NCAM2: variants seen among roughly 807,000 people sequenced by gnomAD.
NCAM2 encodes the protein neural cell adhesion molecule 2.
In NCAM2, 30 loss-of-function variants were observed where a neutral mutation model predicts 98.1. The observed-to-expected ratio is 0.31, with a 90% CI of 0.23 to 0.41. The LOEUF (loss-of-function observed/expected upper bound fraction) is 0.41. NCAM2 is among the 10% of genes least tolerant of loss of function. The pLI is 1.00. For missense variants in NCAM2, 867 were observed against 1,005.8 expected, an observed-to-expected ratio of 0.86 and a Z score of 1.87; for synonymous variants, 368 against 342.4, an observed-to-expected ratio of 1.07 and a Z score of -0.83.
chr21:21,527,971 T>A (rs1346861561), intron 16 of NCAM2, among the ~76,000 whole-genome samples: 2 of 152,192 alleles, frequency 1.3e-5, no homozygotes, highest in African/African-American at 4.8e-5. Flanking sequence ...GGTAAATGAA[T>A]AAACTGTGGT....
intron 6 of NCAM2, among the ~76,000 whole-genome samples, chr21:21,327,977 A>T (rs1006877408): frequency 6.6e-6 from 1 of 152,180 alleles, no homozygotes; most frequent in African/African-American, 2.4e-5. Flanking sequence ...GTACTTCTAT[A>T]TTGAGAATAC....
intron 9 of NCAM2, among the ~76,000 whole-genome samples, chr21:21,385,398 ACG>A (rs1491444631): frequency 3.8e-5 from 5 of 130,684 alleles, no homozygotes; most frequent in Admixed American, 1.5e-4. Flanking sequence ...ACACACACAC[ACG>A]CACACACACA....
intron 1 of NCAM2, among the ~76,000 whole-genome samples, chr21:21,088,997 A>G (rs1391118893): frequency 6.6e-6 from 1 of 151,692 alleles, no homozygotes; most frequent in African/African-American, 2.4e-5. Flanking sequence ...AGACATCCAC[A>G]TTCTTAGGTA....
intron 8 of NCAM2, among the ~76,000 whole-genome samples, chr21:21,345,855 G>A (rs147580877): frequency 5.9e-5 from 9 of 152,042 alleles, no homozygotes; most frequent in African/African-American, 2.2e-4. Context: ...AATAGCACAG[G>A]CATTTAATAC....
intron 9 of NCAM2, among the ~76,000 whole-genome samples, chr21:21,396,458 A>C (rs2076508988): frequency 1.3e-5 from 2 of 152,216 alleles, no homozygotes; most frequent in South Asian, 4.1e-4. Context: ...TCACTTTGCC[A>C]GCCAGAAACT....
chr21:21,008,947 A>G (rs1022179945), intron 1 of NCAM2, among the ~76,000 whole-genome samples: 1 of 152,172 alleles, frequency 6.6e-6, no homozygotes, highest in Non-Finnish European at 1.5e-5. Flanking sequence ...TGAGGAGCCA[A>G]TCAAAGATGA....
intron 6 of NCAM2, among the ~76,000 whole-genome samples, chr21:21,325,577 T>G (rs232471): frequency 4.6e-5 from 7 of 151,918 alleles, no homozygotes; most frequent in Non-Finnish European, 1.5e-5. Flanking sequence ...TATTAACATA[T>G]CCACCCCAGA....
intron 1 of NCAM2, among the ~76,000 whole-genome samples, chr21:21,095,968 A>G (rs1052592350): frequency 3.3e-5 from 5 of 151,610 alleles, no homozygotes; most frequent in African/African-American, 9.7e-5. Context: ...AGAAGAAACT[A>G]TTGAGTCAGA....
chr21:21,371,246 T>C (rs1031777137), intron 8 of NCAM2, among the ~76,000 whole-genome samples: 1 of 151,860 alleles, frequency 6.6e-6, no homozygotes, highest in African/African-American at 2.4e-5. Flanking sequence ...TAAAACAGTT[T>C]TGAGAAGGTA....
intron 1 of NCAM2, among the ~76,000 whole-genome samples, chr21:21,279,042 A>G (rs776307036): frequency 9.9e-5 from 15 of 152,142 alleles, no homozygotes; most frequent in African/African-American, 3.4e-4. Flanking sequence ...TTATACAACT[A>G]TTGGCCAGTA....
At chr21:21,171,797 CGA>C (rs1171803559) in intron 1 of NCAM2, among the ~76,000 whole-genome samples, 4 of 151,928 alleles carry the variant, frequency 2.6e-5, no homozygotes, top group Non-Finnish European at 4.4e-5. Context: ...TTATTGTACT[CGA>C]GAATGCTAAT....
chr21:21,260,302 C>A (rs1044820056), intron 1 of NCAM2, among the ~76,000 whole-genome samples: 2 of 151,718 alleles, frequency 1.3e-5, no homozygotes, highest in Admixed American at 1.3e-4. Flanking sequence ...AAAAAAAATT[C>A]CTAATCTTCC....
chr21:21,086,425 T>C (rs1043887225), intron 1 of NCAM2, among the ~76,000 whole-genome samples: 1 of 152,188 alleles, frequency 6.6e-6, no homozygotes, highest in Non-Finnish European at 1.5e-5. Context: ...CATTTGTATT[T>C]ACATGAAAGG....
intron 5 of NCAM2, among the ~76,000 whole-genome samples, chr21:21,293,937 A>G (rs148571937): frequency 1.3e-5 from 2 of 151,508 alleles, no homozygotes; most frequent in Non-Finnish European, 3.0e-5. Flanking sequence ...GTATATAAGT[A>G]TTTCCTATTA....
At chr21:21,286,161 A>G in intron 3 of NCAM2, 108 bp from the exon 4 acceptor site, 1 of 1,195,456 alleles carries the variant, frequency 8.4e-7, no homozygotes, top group Non-Finnish European at 1.2e-6. Context: ...GGTTTCCCTA[A>G]TTATTTTATT....
chr21:21,089,651 C>T (rs1172693304), intron 1 of NCAM2, among the ~76,000 whole-genome samples: 2 of 152,124 alleles, frequency 1.3e-5, no homozygotes, highest in African/African-American at 2.4e-5. Flanking sequence ...TCTGTTTTCT[C>T]TATGTTTATA....
intron 9 of NCAM2, among the ~76,000 whole-genome samples, chr21:21,381,794 A>G (rs1008039485): frequency 1.3e-5 from 2 of 152,114 alleles, no homozygotes; most frequent in Admixed American, 6.5e-5. Context: ...GTATTCATCT[A>G]TATGTGGTTT....
intron 9 of NCAM2, among the ~76,000 whole-genome samples, chr21:21,387,440 G>A (rs1448172677): frequency 6.6e-6 from 1 of 151,950 alleles, no homozygotes; most frequent in Non-Finnish European, 1.5e-5. Context: ...GATAGGACAA[G>A]TACAGAATTT....
In NCAM2 at chr21:21,234,463, A is replaced by T. The variant is rs115153862; in HGVS notation, c.56-46115A>T. 9.7e-3 allele frequency among the ~76,000 whole-genome samples: 1,478 copies of T among 152,094 alleles called. 22 individuals carry two copies. Among genetic ancestry groups the T allele is most frequent in the African/African-American group, 0.034 (1,404 of 41,532 alleles). ...ACATTTTAATTAAATGGAAATATGCATAGGAAAGAATTTAAATTAACTTAG... is the reference window on the plus strand; with the variant it reads ...ACATTTTAATTAAATGGAAATATGCTTAGGAAAGAATTTAAATTAACTTAG... On this transcript the variant is annotated intron_variant, in intron 1 of 17. Transcript: ENST00000400546.
Sources: allele counts gnomAD v4.1 joint callset (sites outside exome capture counted in the v4.1 genomes callset), GRCh38; gene constraint gnomAD v4.1.1; transcripts MANE v1.5; gene names NCBI Gene and HGNC (gene_info 2026-07-23, HGNC 2026-07-21).